Variants in CELF4 observed in about 807,000 individuals in gnomAD.
The protein encoded by CELF4 is CUG-BP- and ETR-3-like factor 4.
A neutral mutation model predicts 59.9 loss-of-function variants in CELF4; 18 were observed. That is an observed-to-expected ratio of 0.30 (90% CI 0.21 to 0.45). The LOEUF (loss-of-function observed/expected upper bound fraction) is 0.45. Ranked by LOEUF, CELF4 falls within the 20% of genes least tolerant of loss-of-function variation. The pLI is 1.00. For missense variants in CELF4, 456 were observed against 689.0 expected (o/e 0.66, Z 3.79); for synonymous variants, 261 against 267.1 (o/e 0.98, Z 0.22).
intron 1 of CELF4, among the ~76,000 whole-genome samples, chr18:37,544,164 T>C (rs2099979700): frequency 6.6e-6 from 1 of 151,702 alleles, no homozygotes; most frequent in Non-Finnish European, 1.5e-5. Flanking sequence ...TTTTTTTTTT[T>C]TTTTTCATTT....
At chr18:37,558,567 G>GC (rs957466347) in intron 1 of CELF4, among the ~76,000 whole-genome samples, 1 of 114,572 alleles carries the variant, frequency 8.7e-6, no homozygotes, top group Admixed American at 1.0e-4. Context: ...GGGGCGGGTG[G>GC]GGGGGGCTCT....
At chr18:37,269,723 T>A (rs2090195475) in intron 8 of CELF4, among the ~76,000 whole-genome samples, 1 of 152,252 alleles carries the variant, frequency 6.6e-6, no homozygotes, top group South Asian at 2.1e-4. Context: ...GGGGCTTCTT[T>A]AGCCTACAGA....
In CELF4 at chr18:37,253,714, C is replaced by A; in HGVS notation, c.*44+53G>T. On this transcript the variant is annotated intron_variant, in intron 12 of 12. Transcript: ENST00000420428. The surrounding 1 kb of genome is among the most constrained non-coding windows in gnomAD (Gnocchi z 4.5). ...ACGGAGGCCGGAGGAGGCGGCGGGT[C>A]CGTCTGGTTCCCTCCCAACCCCCGT... The A allele has an allele frequency of 7.3e-7, 1 of 1,371,776 alleles. No homozygotes were observed. The highest frequency in any genetic ancestry group is 9.7e-7 in the Non-Finnish European group (1 of 1,028,262). The allele number at this position is 1,371,776 out of a possible 1,614,324, so 85.0% of individuals were successfully genotyped here. A position where few individuals can be genotyped will look rare whatever the true frequency, so the allele number is the denominator to read the frequency against.
At chr18:37,473,154 A>G (rs1435968482) in intron 2 of CELF4, among the ~76,000 whole-genome samples, 1 of 152,206 alleles carries the variant, frequency 6.6e-6, no homozygotes, top group African/African-American at 2.4e-5. Context: ...CCTGGCTCTC[A>G]GCCATGCTGA....
At chr18:37,482,001 C>T (rs1376113447) in intron 2 of CELF4, among the ~76,000 whole-genome samples, 1 of 152,214 alleles carries the variant, frequency 6.6e-6, no homozygotes, top group Non-Finnish European at 1.5e-5. Flanking sequence ...TGGCATCATG[C>T]CTGTCATATA....
At chr18:37,255,579 T>C (rs982169624) in intron 11 of CELF4, among the ~76,000 whole-genome samples, 1 of 151,362 alleles carries the variant, frequency 6.6e-6, no homozygotes, top group African/African-American at 2.4e-5. Flanking sequence ...CAGCCCCTCC[T>C]GGCCCGTCCC....
At chr18:37,444,721 G>C (rs1410307507) in intron 2 of CELF4, among the ~76,000 whole-genome samples, 1 of 151,982 alleles carries the variant, frequency 6.6e-6, no homozygotes, top group African/African-American at 2.4e-5. Context: ...TAGTTCCTGG[G>C]TATGGGGTGT....
intron 2 of CELF4, among the ~76,000 whole-genome samples, chr18:37,435,622 C>T (rs1037490133): frequency 3.1e-4 from 47 of 152,196 alleles, no homozygotes; most frequent in African/African-American, 1.1e-3. Flanking sequence ...ACACCCACTT[C>T]CCTGGATTCT....
rs899834790 is a variant in CELF4 at position 37,533,079 on chromosome 18, G to A, written c.286+32277C>T. 3.5e-4 allele frequency among the ~76,000 whole-genome samples: 53 copies of A among 152,344 alleles called. 1 individual carries two copies. Among genetic ancestry groups the A allele is most frequent in the Non-Finnish European group, 4.3e-4 (29 of 68,036 alleles). On this transcript the variant is annotated intron_variant, in intron 1 of 12. Coordinates refer to ENST00000420428, the MANE Select transcript of CELF4 (RefSeq NM_020180.4). ...TGGCGTGGGCGGCCACTTCCAGAAC[G>A]CAGCCTTCCAGCAAGCTGGCCCAGC...
At chr18:37,248,485 G>A (rs1364673853) in intron 12 of CELF4, among the ~76,000 whole-genome samples, 2 of 152,100 alleles carry the variant, frequency 1.3e-5, no homozygotes, top group African/African-American at 4.8e-5. Flanking sequence ...CCCCTGCAGG[G>A]GGCACAGAGG....
At chr18:37,359,481 C>T (rs901799729) in intron 2 of CELF4, among the ~76,000 whole-genome samples, 5 of 152,232 alleles carry the variant, frequency 3.3e-5, no homozygotes, top group Non-Finnish European at 5.9e-5. Flanking sequence ...AGCTGGGCTG[C>T]GCACCACCAG....
chr18:37,261,216 T>C (rs1016654285), intron 10 of CELF4, among the ~76,000 whole-genome samples: 1 of 151,972 alleles, frequency 6.6e-6, no homozygotes, highest in African/African-American at 2.4e-5. Flanking sequence ...CCTTCTTGTG[T>C]CCTCCTGCCC....
At chr18:37,383,432 G>T (rs1424918898) in intron 2 of CELF4, among the ~76,000 whole-genome samples, 1 of 152,180 alleles carries the variant, frequency 6.6e-6, no homozygotes, top group Non-Finnish European at 1.5e-5. Flanking sequence ...AGAGCTTGGG[G>T]TGCATTTTAG....
At chr18:37,518,634 G>T (rs1181544242) in intron 1 of CELF4, among the ~76,000 whole-genome samples, 1 of 152,060 alleles carries the variant, frequency 6.6e-6, no homozygotes, top group African/African-American at 2.4e-5. Flanking sequence ...CCTGAAGGCT[G>T]CTGGGGCCTG....
At chr18:37,392,789 C>T (rs1015896728) in intron 2 of CELF4, among the ~76,000 whole-genome samples, 1 of 152,234 alleles carries the variant, frequency 6.6e-6, no homozygotes, top group African/African-American at 2.4e-5. Context: ...CCTCAGGTCT[C>T]AGCTCAAAGT....
In CELF4 at chr18:37,565,468, A is replaced by G. The variant is rs41431444; in HGVS notation, c.174T>C (p.Ile58=). 917 of 1,614,072 alleles carry G rather than the reference A, an allele frequency of 5.7e-4. No individual in the cohort carries two copies. Among genetic ancestry groups the G allele is most frequent in the Non-Finnish European group, 7.2e-4 (849 of 1,180,032 alleles). Residue 58 remains isoleucine (I), a synonymous_variant, in exon 1 of 13, where the codon ATT becomes ATC. Coordinates refer to ENST00000420428, the MANE Select transcript of CELF4 (RefSeq NM_020180.4). ...CATCCAGGTTGCGGGGGATCTGCCC[A>G]ATGAACAGCTTGATGGCATCGTGGT... ...MKDHDAIKLF[I]GQIPRNLDEK...
chr18:37,439,214 C>T (rs1180632595), intron 2 of CELF4, among the ~76,000 whole-genome samples: 4 of 152,192 alleles, frequency 2.6e-5, no homozygotes, highest in Non-Finnish European at 5.9e-5. Flanking sequence ...GTGAGGGTAG[C>T]TCTGCTTTAC....
intron 2 of CELF4, among the ~76,000 whole-genome samples, chr18:37,405,098 C>CCA (rs1557414472): frequency 1.3e-5 from 2 of 152,174 alleles, no homozygotes; most frequent in African/African-American, 4.8e-5. Flanking sequence ...CCCAACCCCC[C>CCA]CCGTGTCCTT....
intron 1 of CELF4, among the ~76,000 whole-genome samples, chr18:37,544,044 C>G (rs535305340): frequency 6.6e-6 from 1 of 152,056 alleles, no homozygotes; most frequent in Admixed American, 6.5e-5. Context: ...GGGGGAATAG[C>G]CTGAGCAGAG....
Sources: gnomAD v4.1 joint callset for allele counts (sites outside exome capture counted in the v4.1 genomes callset) on GRCh38, gnomAD v4.1.1 for gene constraint, Gnocchi (gnomAD v3.1) non-coding constraint, MANE v1.5 for transcripts, NCBI Gene and HGNC (gene_info 2026-07-23, HGNC 2026-07-21) for gene names.